The following GABBR2 variants were observed in gnomAD, a reference collection of about 807,000 sequenced individuals.
The protein encoded by GABBR2 is G-protein coupled receptor 51.
A neutral mutation model predicts 105.6 loss-of-function variants in GABBR2; 23 were observed. The ratio of observed to expected loss-of-function variants is 0.22; its 90% CI spans 0.16 to 0.31. The LOEUF is 0.31. Ranked by LOEUF, GABBR2 falls within the 10% of genes least tolerant of loss-of-function variation. The pLI is 1.00. For missense variants in GABBR2, 734 were observed against 1,245.5 expected (o/e 0.59, Z 6.18); for synonymous variants, 478 against 499.7 (o/e 0.96, Z 0.58).
chr9:98,442,237 C>CCAAG (rs1826045243), intron 7 of GABBR2, among the ~76,000 whole-genome samples: 1 of 152,182 alleles, frequency 6.6e-6, no homozygotes, highest in African/African-American at 2.4e-5. Flanking sequence ...TGGCCCAGAA[C>CCAAG]CAAGGGGCTG....
intron 5 of GABBR2, 125 bp from the exon 6 acceptor site, chr9:98,473,471 G>T: frequency 1.6e-6 from 1 of 633,944 alleles, no homozygotes; most frequent in Non-Finnish European, 2.8e-6. Context: ...TTAATTACTT[G>T]TTTGGTTTCT....
At chr9:98,353,504 T>G (rs936343309) in intron 13 of GABBR2, among the ~76,000 whole-genome samples, 1 of 152,212 alleles carries the variant, frequency 6.6e-6, no homozygotes, top group African/African-American at 2.4e-5. Flanking sequence ...AGGTTTTCAA[T>G]GTACTTTGCC....
intron 15 of GABBR2, among the ~76,000 whole-genome samples, chr9:98,305,082 T>C (rs568475165): frequency 1.9e-4 from 29 of 152,152 alleles, no homozygotes; most frequent in Non-Finnish European, 4.0e-4. Flanking sequence ...CACCTTCCTT[T>C]ACTTTTGAGA....
At chr9:98,361,543 A>G (rs1017241294) in intron 13 of GABBR2, among the ~76,000 whole-genome samples, 12 of 152,154 alleles carry the variant, frequency 7.9e-5, no homozygotes, top group African/African-American at 2.9e-4. Context: ...CCTTGGGATG[A>G]ATTGGGACCC....
At chr9:98,642,441 C>T (rs1482520609) in intron 1 of GABBR2, among the ~76,000 whole-genome samples, 2 of 152,230 alleles carry the variant, frequency 1.3e-5, no homozygotes, top group Non-Finnish European at 2.9e-5. Flanking sequence ...AATCTTCTTG[C>T]ATCTCAGCTA....
intron 13 of GABBR2, among the ~76,000 whole-genome samples, chr9:98,324,910 A>T (rs1830893696): frequency 6.6e-6 from 1 of 152,154 alleles, no homozygotes; most frequent in Non-Finnish European, 1.5e-5. Context: ...AATATATAGA[A>T]ATGAACCTAT....
At chr9:98,488,650 T>C (rs1827110806) in intron 4 of GABBR2, among the ~76,000 whole-genome samples, 2 of 151,922 alleles carry the variant, frequency 1.3e-5, no homozygotes, top group South Asian at 4.1e-4. Flanking sequence ...TTTTAACCGC[T>C]CCTCCACTTA....
chr9:98,520,438 T>C (rs1827845387), intron 3 of GABBR2, among the ~76,000 whole-genome samples: 1 of 152,194 alleles, frequency 6.6e-6, no homozygotes. Context: ...TGTGTGGAGC[T>C]TGGTGACTCC....
intron 3 of GABBR2, among the ~76,000 whole-genome samples, chr9:98,535,008 T>C (rs1237406574): frequency 6.6e-6 from 1 of 152,154 alleles, no homozygotes; most frequent in East Asian, 1.9e-4. Context: ...GGATAAACTG[T>C]GGTACATCCT....
chr9:98,504,895 G>A (rs1223163726), intron 3 of GABBR2, among the ~76,000 whole-genome samples: 1 of 152,206 alleles, frequency 6.6e-6, no homozygotes, highest in Admixed American at 6.5e-5. Flanking sequence ...TGGGGCTGGA[G>A]CTCCCCAGGA....
intron 4 of GABBR2, among the ~76,000 whole-genome samples, chr9:98,486,080 T>C (rs892770128): frequency 6.6e-5 from 10 of 152,194 alleles, no homozygotes; most frequent in Admixed American, 5.9e-4. Context: ...TTCCCTCCCC[T>C]TCTCCTGAGT....
intron 1 of GABBR2, among the ~76,000 whole-genome samples, chr9:98,687,761 T>A (rs1175380405): frequency 6.6e-6 from 1 of 152,172 alleles, no homozygotes; most frequent in Non-Finnish European, 1.5e-5. Context: ...GAAAGCTTAC[T>A]GGCTCCACAG....
At chr9:98,605,480 G>A (rs983520848) in intron 1 of GABBR2, among the ~76,000 whole-genome samples, 5 of 152,200 alleles carry the variant, frequency 3.3e-5, no homozygotes, top group South Asian at 2.1e-4. Flanking sequence ...CCACATGAAC[G>A]TGATGGGGAA....
chr9:98,309,343 TC>T, intron 14 of GABBR2, among the ~76,000 whole-genome samples: 1 of 152,348 alleles, frequency 6.6e-6, no homozygotes, highest in Admixed American at 6.5e-5. Context: ...TTCATCGTAA[TC>T]TATTTTCACG....
intron 6 of GABBR2, among the ~76,000 whole-genome samples, chr9:98,457,735 A>G (rs1826351163): frequency 6.6e-6 from 1 of 152,176 alleles, no homozygotes; most frequent in South Asian, 2.1e-4. Flanking sequence ...TTGCTGCCAC[A>G]TGATATCCCA....
chr9:98,578,237 G>A (rs1828948593), intron 1 of GABBR2, among the ~76,000 whole-genome samples, 165 bp from the exon 2 acceptor site: 1 of 152,160 alleles, frequency 6.6e-6, no homozygotes, highest in African/African-American at 2.4e-5. Context: ...GTAAGCTCCA[G>A]GAGTGTGGTC....
At chr9:98,665,445 G>A (rs1024005153) in intron 1 of GABBR2, among the ~76,000 whole-genome samples, 3 of 152,168 alleles carry the variant, frequency 2.0e-5, no homozygotes, top group Non-Finnish European at 1.5e-5. Flanking sequence ...GACACAGAAA[G>A]CTGCCAGCTT....
At chr9:98,381,143 C>A (rs1214013647) in intron 11 of GABBR2, among the ~76,000 whole-genome samples, 1 of 152,252 alleles carries the variant, frequency 6.6e-6, no homozygotes, top group East Asian at 1.9e-4. Context: ...ATGCAGCACT[C>A]TCCCTGAGTT....
intron 13 of GABBR2, among the ~76,000 whole-genome samples, chr9:98,354,133 A>G (rs1483615792): frequency 5.3e-5 from 8 of 152,228 alleles, no homozygotes; most frequent in Non-Finnish European, 1.5e-5. Flanking sequence ...GAGTATTTTA[A>G]TTAATTAATT....
Sources: gnomAD v4.1 joint callset for allele counts (sites outside exome capture counted in the v4.1 genomes callset) on GRCh38, gnomAD v4.1.1 for gene constraint, MANE v1.5 for transcripts, NCBI Gene and HGNC (gene_info 2026-07-23, HGNC 2026-07-21) for gene names.